The following FSTL5 variants were observed in gnomAD, a reference collection of about 807,000 sequenced individuals.
The protein encoded by FSTL5 is follistatin like 5, also known as follistatin-related protein 5.
In FSTL5, 62 loss-of-function variants were observed where a neutral mutation model predicts 89.1. The observed-to-expected ratio is 0.70, with a 90% CI of 0.57 to 0.86. FSTL5 has a LOEUF of 0.86. Ranked by LOEUF, FSTL5 falls within the 40% of genes least tolerant of loss-of-function variation. FSTL5 has a pLI of 0.00. For missense variants in FSTL5, 1,057 were observed against 1,001.6 expected (o/e 1.06, Z -0.75); for synonymous variants, 383 against 346.2 (o/e 1.11, Z -1.18).
intron 3 of FSTL5, among the ~76,000 whole-genome samples, chr4:162,021,761 T>C (rs999276644): frequency 8.6e-5 from 13 of 151,932 alleles, no homozygotes; most frequent in African/African-American, 1.9e-4. Context: ...ATAATAGACA[T>C]TGGAGATTTT....
At chr4:161,896,271 T>G (rs1440604) in intron 4 of FSTL5, among the ~76,000 whole-genome samples, 1 of 151,938 alleles carries the variant, frequency 6.6e-6, no homozygotes, top group Non-Finnish European at 1.5e-5. Flanking sequence ...ATGAAACACA[T>G]GAAATAGTTG....
At chr4:161,770,914 T>A (rs1414726092) in intron 5 of FSTL5, among the ~76,000 whole-genome samples, 1 of 152,012 alleles carries the variant, frequency 6.6e-6, no homozygotes, top group Non-Finnish European at 1.5e-5. Context: ...AGGAGAGAAT[T>A]CTTAGGATTA....
intron 6 of FSTL5, among the ~76,000 whole-genome samples, chr4:161,657,761 A>T (rs1736567320): frequency 6.6e-6 from 1 of 152,204 alleles, no homozygotes; most frequent in Non-Finnish European, 1.5e-5. Flanking sequence ...GTTTGGATTA[A>T]GGCCTGGATT....
At chr4:161,537,695 C>T (rs557006158) in intron 10 of FSTL5, among the ~76,000 whole-genome samples, 1 of 152,226 alleles carries the variant, frequency 6.6e-6, no homozygotes, top group Middle Eastern at 3.4e-3. Flanking sequence ...CAGTGAGTGC[C>T]TTAGAGTGGC....
intron 4 of FSTL5, among the ~76,000 whole-genome samples, chr4:161,918,219 A>G (rs1733892166): frequency 6.6e-6 from 1 of 152,162 alleles, no homozygotes; most frequent in African/African-American, 2.4e-5. Flanking sequence ...CTAATAAGAC[A>G]GGCAATTTAT....
chr4:161,476,087 C>CT (rs112565979), intron 13 of FSTL5, among the ~76,000 whole-genome samples: 84,300 of 141,850 alleles, frequency 0.59, 24,610 homozygotes, highest in East Asian at 0.79. Context: ...CACCTTGTGA[C>CT]TTTTTTTTTT....
chr4:161,732,932 C>G (rs1209416029), intron 6 of FSTL5, among the ~76,000 whole-genome samples: 3 of 150,546 alleles, frequency 2.0e-5, no homozygotes, highest in African/African-American at 7.3e-5. Context: ...AATTCTTCAG[C>G]TTTTCTTTTT....
Position 161,992,122 on chromosome 4 carries a change from G to A in FSTL5, c.160+41503C>T, listed in dbSNP as rs142957178. ...TTAAAAGGCAGGAACATATCCTGCAGAATCTTGCCAGTGATTTTAACATCT... is the reference window on the plus strand; with the variant it reads ...TTAAAAGGCAGGAACATATCCTGCAAAATCTTGCCAGTGATTTTAACATCT... On this transcript the variant is annotated intron_variant, in intron 3 of 15. Transcript: ENST00000306100. 2.5e-3 allele frequency among the ~76,000 whole-genome samples: 381 copies of A among 152,334 alleles called. 1 individual carries two copies. The highest frequency in any genetic ancestry group is 8.9e-3 in the African/African-American group (370 of 41,582).
chr4:161,988,713 T>C (rs1736030393), intron 3 of FSTL5, among the ~76,000 whole-genome samples: 1 of 152,160 alleles, frequency 6.6e-6, no homozygotes, highest in Non-Finnish European at 1.5e-5. Flanking sequence ...TTTTTCCCTT[T>C]TCTGGTGATT....
chr4:161,408,522 C>T (rs1731470050), intron 15 of FSTL5, among the ~76,000 whole-genome samples: 1 of 152,094 alleles, frequency 6.6e-6, no homozygotes, highest in Non-Finnish European at 1.5e-5. Flanking sequence ...TCATAGTATC[C>T]CCTTATCCCC....
At chr4:161,676,528 A>T (rs1033993298) in intron 6 of FSTL5, among the ~76,000 whole-genome samples, 1 of 152,076 alleles carries the variant, frequency 6.6e-6, no homozygotes, top group African/African-American at 2.4e-5. Flanking sequence ...GGGGAGGGAT[A>T]GCATTAGGAG....
chr4:162,012,117 G>A (rs115010327), intron 3 of FSTL5, among the ~76,000 whole-genome samples: 1,568 of 152,212 alleles, frequency 0.01, 28 homozygotes, highest in African/African-American at 0.035. Flanking sequence ...ACGTTCCAAC[G>A]GTAATATCCA....
At chr4:161,999,249 C>G (rs1417113963) in intron 3 of FSTL5, among the ~76,000 whole-genome samples, 1 of 152,038 alleles carries the variant, frequency 6.6e-6, no homozygotes, top group Non-Finnish European at 1.5e-5. Flanking sequence ...TAGATATTCT[C>G]TGATTATGTG....
chr4:162,066,556 A>G (rs1738924163), intron 2 of FSTL5, among the ~76,000 whole-genome samples: 1 of 146,700 alleles, frequency 6.8e-6, no homozygotes, highest in African/African-American at 2.5e-5. Context: ...CGCATTAGGT[A>G]TTTGTCCTAA....
chr4:161,711,384 G>T (rs962443524), intron 6 of FSTL5, among the ~76,000 whole-genome samples: 2 of 151,986 alleles, frequency 1.3e-5, no homozygotes, highest in Non-Finnish European at 2.9e-5. Context: ...ATGAACAGCT[G>T]TATGCCAATA....
At chr4:161,949,752 T>C (rs542129435) in intron 3 of FSTL5, among the ~76,000 whole-genome samples, 1 of 151,496 alleles carries the variant, frequency 6.6e-6, no homozygotes, top group African/African-American at 2.4e-5. Flanking sequence ...ATGTTTCTGA[T>C]AAGTCCAAGC....
chr4:161,844,948 C>G (rs1731321685), intron 4 of FSTL5, among the ~76,000 whole-genome samples: 1 of 151,788 alleles, frequency 6.6e-6, no homozygotes, highest in Admixed American at 6.6e-5. Flanking sequence ...AATAAAAAAA[C>G]TACACCAAAA....
intron 3 of FSTL5, among the ~76,000 whole-genome samples, chr4:162,006,752 G>T (rs550854626): frequency 6.6e-6 from 1 of 151,872 alleles, no homozygotes; most frequent in South Asian, 2.1e-4. Context: ...ACAATTATCA[G>T]TTAAAATGGA....
At chr4:161,579,467 C>T (rs562248097) in intron 8 of FSTL5, among the ~76,000 whole-genome samples, 58 of 152,056 alleles carry the variant, frequency 3.8e-4, no homozygotes, top group African/African-American at 1.3e-3. Flanking sequence ...CTTGTAATCC[C>T]AGCACTTTGG....
Sources: gnomAD v4.1 joint callset for allele counts (sites outside exome capture counted in the v4.1 genomes callset) on GRCh38, gnomAD v4.1.1 for gene constraint, MANE v1.5 for transcripts, NCBI Gene and HGNC (gene_info 2026-07-23, HGNC 2026-07-21) for gene names.